Variants in TPR observed in about 807,000 individuals in gnomAD.
TPR encodes translocated promoter region, nuclear basket protein, also known as nucleoprotein TPR.
In TPR, 51 loss-of-function variants were observed where a neutral mutation model predicts 316.1. That is an observed-to-expected ratio of 0.16 (90% CI 0.13 to 0.20). The LOEUF (loss-of-function observed/expected upper bound fraction) is 0.20, where lower values mean the gene tolerates loss of function less well. Ranked by LOEUF, TPR falls within the 10% of genes least tolerant of loss-of-function variation. The pLI is 1.00. For synonymous variants in TPR, 981 were observed against 914.7 expected (o/e 1.07, Z -1.31); for missense variants, 2,272 against 2,754.8 (o/e 0.82, Z 3.92).
At chr1:186,361,765 T>G in intron 8 of TPR, 24 bp downstream of exon 8, 1 of 1,613,044 alleles carries the variant, frequency 6.2e-7, no homozygotes, top group South Asian at 1.1e-5. Flanking sequence ...ATTTAGATAC[T>G]AACATGTGTG....
rs192034988 is a variant in TPR at position 186,313,474 on chromosome 1, G to A, written c.*497C>T. 3.7e-3 allele frequency: 1,899 copies of A among 516,760 alleles called. 10 individuals carry two copies. Among genetic ancestry groups the A allele is most frequent in the Admixed American group, 6.7e-3 (197 of 29,374 alleles). The allele number at this position is 516,760 out of a possible 1,614,324, so 32.0% of individuals were successfully genotyped here. On this transcript the variant is annotated 3_prime_UTR_variant, in exon 51 of 51. Coordinates refer to ENST00000367478, the MANE Select transcript of TPR (RefSeq NM_003292.3). ...CTGAACCTGATTTTACAAAAAGATG[G>A]TGAAATGTCAATCTTTTGAAACATC... is the stretch of plus-strand genomic sequence containing the variant.
At chr1:186,355,078 T>C (rs528596793) in intron 17 of TPR, among the ~76,000 whole-genome samples, 9 of 152,170 alleles carry the variant, frequency 5.9e-5, no homozygotes, top group Non-Finnish European at 1.2e-4. Flanking sequence ...CTAATTTTTG[T>C]ATTTTTAGTA....
At chr1:186,317,448 A>G (rs1657644432) in intron 49 of TPR, 34 bp downstream of exon 49, 1 of 1,540,208 alleles carries the variant, frequency 6.5e-7, no homozygotes, top group Non-Finnish European at 9.0e-7. Flanking sequence ...TTTGATGTAT[A>G]AAAACTGTAT....
intron 41 of TPR, 80 bp from the exon 42 acceptor site, chr1:186,325,934 A>C: frequency 6.4e-7 from 1 of 1,564,064 alleles, no homozygotes; most frequent in Non-Finnish European, 8.7e-7. Context: ...TAACCAAACC[A>C]AACCACAACA....
intron 11 of TPR, 62 bp downstream of exon 11, chr1:186,360,211 G>C: frequency 6.5e-7 from 1 of 1,534,142 alleles, no homozygotes; most frequent in South Asian, 1.2e-5. Flanking sequence ...ATTAAATTTT[G>C]AAGAGATTTG....
Position 186,331,545 on chromosome 1 carries a change from C to A in TPR, c.5641G>T (p.Val1881Leu). The A allele has an allele frequency of 6.2e-7, 1 of 1,609,284 alleles. No homozygotes were observed. Among genetic ancestry groups the A allele is most frequent in the Non-Finnish European group, 8.5e-7 (1 of 1,177,588 alleles). The change falls in exon 39 of 51, where the codon GTA (valine) becomes TTA (leucine). Residue 1881 changes from valine (V) to leucine (L), a missense_variant. Val to Leu is a conservative substitution (Grantham distance 32). Transcript: ENST00000367478. ...TCCTGGTTGTATACCTGAGTCTCTACCTCTCCATCAGTACTTTCTTCTGCC... is the reference window on the plus strand; with the variant it reads ...TCCTGGTTGTATACCTGAGTCTCTAACTCTCCATCAGTACTTTCTTCTGCC... Reference protein sequence around the residue: ...VMAEESTDGEVETQVYNQDSQ... With the variant: ...VMAEESTDGELETQVYNQDSQ...
chr1:186,319,064 C>G (rs1378078649), intron 46 of TPR, among the ~76,000 whole-genome samples: 1 of 152,172 alleles, frequency 6.6e-6, no homozygotes, highest in Non-Finnish European at 1.5e-5. Context: ...CACCATAGCT[C>G]ACTGTAGCCT....
At chr1:186,322,275 A>C in intron 45 of TPR, 43 bp downstream of exon 45, 1 of 1,534,068 alleles carries the variant, frequency 6.5e-7, no homozygotes, top group Non-Finnish European at 8.9e-7. Context: ...AAAGACTAAA[A>C]GTTTGATTAG....
At chr1:186,322,965 T>G (rs73046513) in intron 43 of TPR, among the ~76,000 whole-genome samples, 1 of 152,184 alleles carries the variant, frequency 6.6e-6, no homozygotes, top group African/African-American at 2.4e-5. Flanking sequence ...CCAGTTAAGA[T>G]AATTCTAAAT....
intron 7 of TPR, 107 bp downstream of exon 7, chr1:186,362,181 T>C (rs767475632): frequency 2.7e-5 from 24 of 898,076 alleles, no homozygotes; most frequent in South Asian, 2.5e-4. Flanking sequence ...ACTCTCACTG[T>C]TTTATGGGGC....
Position 186,343,360 on chromosome 1 carries a change from T to C in TPR, c.3716A>G (p.Gln1239Arg), listed in dbSNP as rs777097291. 2.5e-6 allele frequency: 4 copies of C among 1,613,922 alleles called. No homozygotes were observed. The highest frequency in any genetic ancestry group is 1.6e-4 in the Middle Eastern group (1 of 6,082). ...CTCCCTTTCAGCATTTAGACTATCTTGCAGTTCCTGCAGCTCTCTTTCTAA... is the reference window on the plus strand; with the variant it reads ...CTCCCTTTCAGCATTTAGACTATCTCGCAGTTCCTGCAGCTCTCTTTCTAA... ...ELLERELQEL[Q>R]DSLNAEREKV... Residue 1239 changes from glutamine (Q) to arginine (R), a missense_variant, in exon 27 of 51, where the codon CAA (glutamine) becomes CGA (arginine). By Grantham distance (43) the Gln-to-Arg change is conservative. Transcript: ENST00000367478.
chr1:186,361,406 C>T, intron 9 of TPR, among the ~76,000 whole-genome samples: 1 of 151,690 alleles, frequency 6.6e-6, no homozygotes, highest in South Asian at 2.1e-4. Context: ...AAAAAACAAA[C>T]AAAACCCCCT....
Position 186,317,298 on chromosome 1 carries a change from G to C in TPR, c.6940+184C>G, listed in dbSNP as rs149717868. Among the ~76,000 whole-genome samples the C allele has an allele frequency of 4.0e-3, 613 of 152,250 alleles. 9 individuals carry two copies. Among genetic ancestry groups the C allele is most frequent in the African/African-American group, 0.014 (596 of 41,552 alleles). On this transcript the variant is annotated intron_variant, in intron 49 of 50. Coordinates refer to ENST00000367478, the MANE Select transcript of TPR (RefSeq NM_003292.3). ...TCCATATTTCTTATTATTGATGCCA[G>C]AATATTCTTAGAATAATTATTTCAA...
At chr1:186,323,991 A>C in intron 42 of TPR, 121 bp from the exon 43 acceptor site, 2 of 1,040,080 alleles carry the variant, frequency 1.9e-6, no homozygotes, top group Non-Finnish European at 2.7e-6. Flanking sequence ...TTTCAGAAGT[A>C]AAGTAGTGAG....
In TPR at chr1:186,375,253, G is replaced by A. The variant is rs535010797; in HGVS notation, c.-225C>T. ...CAGCACCTCACCGCCCGCGACCGAA[G>A]TGCGCGCGCAGCCGTTGGAAGCTAC... On this transcript the variant is annotated 5_prime_UTR_variant, in exon 1 of 51. Transcript: ENST00000367478. 1.7e-4 allele frequency: 251 copies of A among 1,441,754 alleles called. No individual in the cohort carries two copies. Among genetic ancestry groups the A allele is most frequent in the Middle Eastern group, 1.0e-3 (4 of 3,864 alleles). The allele number at this position is 1,441,754 out of a possible 1,614,324, so 89.3% of individuals were successfully genotyped here. A position where few individuals can be genotyped will look rare whatever the true frequency, so the allele number is the denominator to read the frequency against.
At chr1:186,352,193 T>C (rs1174831490) in intron 18 of TPR, 83 bp from the exon 19 acceptor site, 1 of 1,309,580 alleles carries the variant, frequency 7.6e-7, no homozygotes, top group Non-Finnish European at 1.0e-6. Context: ...AAATGATTCA[T>C]ACATCACTAC....
chr1:186,326,258 T>G (rs185465843), intron 40 of TPR, 23 bp from the exon 41 acceptor site: 3 of 1,587,032 alleles, frequency 1.9e-6, no homozygotes. Flanking sequence ...TCCCCAGGCA[T>G]AAATAAAAGT....
chr1:186,360,099 C>T (rs1659138798), intron 11 of TPR, 103 bp from the exon 12 acceptor site: 1 of 1,360,234 alleles, frequency 7.4e-7, no homozygotes, highest in Non-Finnish European at 1.0e-6. Flanking sequence ...CACAAAATGG[C>T]AATGTTTACT....
chr1:186,354,927 G>T (rs1658977274), intron 17 of TPR, among the ~76,000 whole-genome samples: 1 of 151,904 alleles, frequency 6.6e-6, no homozygotes, highest in Admixed American at 6.6e-5. Flanking sequence ...TTTTGAGACA[G>T]AATCTCACTC....
Sources: gnomAD v4.1 joint callset for allele counts (sites outside exome capture counted in the v4.1 genomes callset) on GRCh38, gnomAD v4.1.1 for gene constraint, MANE v1.5 for transcripts, NCBI Gene and HGNC (gene_info 2026-07-23, HGNC 2026-07-21) for gene names.